The following FYCO1 variants were observed in gnomAD, a reference collection of about 807,000 sequenced individuals.
FYCO1 encodes FYVE and coiled-coil domain autophagy adaptor 1, also known as FYVE and coiled-coil domain-containing protein 1.
FYCO1 carries 122 observed loss-of-function variants against 165.1 expected under a neutral mutation model. That is an observed-to-expected ratio of 0.74 (90% CI 0.64 to 0.86). FYCO1 has a LOEUF of 0.86. Ranked by LOEUF, FYCO1 falls within the 40% of genes least tolerant of loss-of-function variation. The pLI, the probability that FYCO1 is intolerant of heterozygous loss-of-function variation, is 0.00. For synonymous variants in FYCO1, 648 were observed against 742.5 expected, an observed-to-expected ratio of 0.87 and a Z score of 2.07; for missense variants, 1,702 against 1,810.3, an observed-to-expected ratio of 0.94 and a Z score of 1.09.
intron 14 of FYCO1, among the ~76,000 whole-genome samples, chr3:45,953,658 C>T (rs1220843055): frequency 1.3e-5 from 2 of 152,202 alleles, no homozygotes; most frequent in East Asian, 3.8e-4. Context: ...GCCTGCTCTG[C>T]CTGTGTAAGC....
At position 45,958,461 on chromosome 3, in the gene FYCO1, G is replaced by A; in HGVS notation, c.3746C>T (p.Pro1249Leu). 1 of 1,613,330 alleles carries A rather than the reference G, an allele frequency of 6.2e-7. No homozygotes were observed. Among genetic ancestry groups the A allele is most frequent in the Non-Finnish European group, 8.5e-7 (1 of 1,180,006 alleles). ...TGAGGCTGGTGACAGTGCAGGGCTG[G>A]GCTCTCCCTGGCTAGTGCCTGAGCC... ...SSGSGTSQGEPSPALSPASPG... is the reference protein window; with the variant it reads ...SSGSGTSQGELSPALSPASPG... Residue 1249 changes from proline to leucine, a missense_variant, in exon 13 of 18, where the codon CCC becomes CTC. Coordinates refer to ENST00000296137, the MANE Select transcript of FYCO1 (RefSeq NM_024513.4).
At chr3:45,942,621 G>C (rs1471495924) in intron 14 of FYCO1, among the ~76,000 whole-genome samples, 1 of 152,200 alleles carries the variant, frequency 6.6e-6, no homozygotes, top group Non-Finnish European at 1.5e-5. Context: ...CAAGGCACTG[G>C]GGCATGTGAC....
rs758030325 is a variant in FYCO1 at position 45,968,614 on chromosome 3, G to A, written c.720C>T (p.Asp240=). 3.7e-6 allele frequency: 6 copies of A among 1,613,938 alleles called. No homozygotes were observed. The highest frequency in any genetic ancestry group is 2.2e-5 in the East Asian group (1 of 44,898). The change falls in exon 8 of 18, where the codon GAC becomes GAT. Residue 240 remains aspartate, a synonymous_variant. Transcript: ENST00000296137. ...GCTGCTTCTCCCGCACCTCCAACTG[G>A]TCCAGCTCTAGTCGCATCTCATCAA... ...EGFDEMRLEL[D]QLEVREKQLR...
chr3:45,947,033 C>A (rs61751654), intron 14 of FYCO1: 4 of 1,614,202 alleles, frequency 2.5e-6, no homozygotes, highest in Non-Finnish European at 2.5e-6. Context: ...GTTACCATGA[C>A]GAGGCAATTT....
chr3:45,959,992 T>C (rs1427434858), intron 11 of FYCO1, among the ~76,000 whole-genome samples: 2 of 152,174 alleles, frequency 1.3e-5, no homozygotes, highest in Non-Finnish European at 2.9e-5. Flanking sequence ...TAACAATTAA[T>C]CAGTGGAGAA....
At chr3:45,941,891 G>A (rs556510071) in intron 14 of FYCO1, among the ~76,000 whole-genome samples, 1 of 152,334 alleles carries the variant, frequency 6.6e-6, no homozygotes, top group African/African-American at 2.4e-5. Flanking sequence ...ATTCCTAAAT[G>A]TCAGGCAGGG....
At chr3:45,986,644 G>A (rs187769928) in intron 1 of FYCO1, among the ~76,000 whole-genome samples, 11 of 152,286 alleles carry the variant, frequency 7.2e-5, no homozygotes, top group African/African-American at 2.4e-4. Flanking sequence ...AGAGAGAAGA[G>A]CTTCAGGGGA....
At chr3:45,970,526 G>A (rs1378234309) in intron 6 of FYCO1, among the ~76,000 whole-genome samples, 1 of 152,226 alleles carries the variant, frequency 6.6e-6, no homozygotes, top group East Asian at 1.9e-4. Flanking sequence ...TATGGAAAGA[G>A]ATACACTGTG....
chr3:45,935,891 A>G (rs1703862613), intron 15 of FYCO1, among the ~76,000 whole-genome samples: 1 of 152,222 alleles, frequency 6.6e-6, no homozygotes, highest in South Asian at 2.1e-4. Flanking sequence ...GACTGAATCT[A>G]TTTAATGACA....
At chr3:45,988,479 C>T (rs1174826059) in intron 1 of FYCO1, among the ~76,000 whole-genome samples, 1 of 152,174 alleles carries the variant, frequency 6.6e-6, no homozygotes, top group Non-Finnish European at 1.5e-5. Flanking sequence ...TCAGGAGACA[C>T]TCAAAGCTCT....
At chr3:45,988,574 C>G (rs1311585862) in intron 1 of FYCO1, among the ~76,000 whole-genome samples, 2 of 152,198 alleles carry the variant, frequency 1.3e-5, no homozygotes, top group African/African-American at 4.8e-5. Context: ...TGCCAATCAC[C>G]TCATAAACCC....
At position 45,964,919 on chromosome 3, in the gene FYCO1, T is replaced by G; in HGVS notation, c.3150+114A>C. 1 of 841,738 alleles carries G rather than the reference T, an allele frequency of 1.2e-6. No homozygotes were observed. The highest frequency in any genetic ancestry group is 2.0e-6 in the Non-Finnish European group (1 of 499,786). 52.1% of individuals were successfully genotyped at this position (841,738 alleles called of 1,614,324 possible). A position where few individuals can be genotyped will look rare whatever the true frequency, so the allele number is the denominator to read the frequency against. Reference sequence around the variant, plus strand: ...AACTAGGGTGTCTACAAAGGTGAACTGAGGACGGCTTCAGCTTGGGAATCT... The same window carrying G: ...AACTAGGGTGTCTACAAAGGTGAACGGAGGACGGCTTCAGCTTGGGAATCT... On this transcript the variant is annotated intron_variant, in intron 9 of 17. Transcript: ENST00000296137. This position sits in a 1 kb window ranked among gnomAD's most constrained non-coding sequence, Gnocchi z 4.1.
chr3:45,921,912 GA>G, intron 17 of FYCO1, 72 bp from the exon 18 acceptor site: 1 of 955,932 alleles, frequency 1.0e-6, no homozygotes, highest in South Asian at 1.3e-5. Flanking sequence ...AGCTGCTGCT[GA>G]GGCCTCTGTG....
intron 14 of FYCO1, among the ~76,000 whole-genome samples, chr3:45,942,947 G>A (rs954475509): frequency 4.6e-5 from 7 of 152,148 alleles, no homozygotes; most frequent in Non-Finnish European, 1.0e-4. Context: ...GTGTATCTTC[G>A]ATTTTCCAGT....
intron 14 of FYCO1, among the ~76,000 whole-genome samples, chr3:45,954,598 C>T (rs949893335): frequency 2.0e-5 from 3 of 152,184 alleles, no homozygotes; most frequent in Admixed American, 6.5e-5. Context: ...TAGGCTGAAT[C>T]GTCTCCCCAT....
Position 45,968,579 on chromosome 3 carries a change from C to A in FYCO1, c.755G>T (p.Arg252Leu). ...GTTCTCTCTGTCCAGCTGCTGCATGCGCTCCCGTAGCTGCTTCTCCCGCAC... is the reference window on the plus strand; with the variant it reads ...GTTCTCTCTGTCCAGCTGCTGCATGAGCTCCCGTAGCTGCTTCTCCCGCAC... ...LEVREKQLRERMQQLDRENQE... is the reference protein window; with the variant it reads ...LEVREKQLRELMQQLDRENQE... Residue 252 changes from arginine (R) to leucine (L), a missense_variant, in exon 8 of 18, where the codon CGC becomes CTC. By Grantham distance (102) the Arg-to-Leu change is moderately radical. Transcript: ENST00000296137. 1 of 1,613,898 alleles carries A rather than the reference C, an allele frequency of 6.2e-7. No individual in the cohort carries two copies. The highest frequency in any genetic ancestry group is 8.5e-7 in the Non-Finnish European group (1 of 1,179,998).
At chr3:45,929,135 G>A (rs1703467970) in intron 16 of FYCO1, among the ~76,000 whole-genome samples, 1 of 152,248 alleles carries the variant, frequency 6.6e-6, no homozygotes, top group Non-Finnish European at 1.5e-5. Context: ...CTCTTTGGGG[G>A]ACCTCAGGCA....
intron 1 of FYCO1, among the ~76,000 whole-genome samples, chr3:45,986,744 C>A (rs1575390017): frequency 6.6e-6 from 1 of 152,156 alleles, no homozygotes; most frequent in Non-Finnish European, 1.5e-5. Flanking sequence ...TTATGAGAAG[C>A]CTGCCTGCCC....
chr3:45,943,702 C>T (rs1305901375), intron 14 of FYCO1, among the ~76,000 whole-genome samples: 4 of 152,158 alleles, frequency 2.6e-5, no homozygotes, highest in African/African-American at 9.7e-5. Flanking sequence ...CTGCCATTTG[C>T]TGCTGTGTGG....
Sources: allele counts gnomAD v4.1 joint callset (sites outside exome capture counted in the v4.1 genomes callset), GRCh38; gene constraint gnomAD v4.1.1; non-coding constraint Gnocchi (gnomAD v3.1); transcripts MANE v1.5; gene names NCBI Gene and HGNC (gene_info 2026-07-23, HGNC 2026-07-21).